SHKBP1: variants seen among roughly 807,000 people sequenced by gnomAD.
SHKBP1 encodes SH3KBP1-binding protein 1.
A neutral mutation model predicts 83.9 loss-of-function variants in SHKBP1; 71 were observed. The ratio of observed to expected loss-of-function variants is 0.85; its 90% CI spans 0.70 to 1.03. The LOEUF is 1.03. Ranked by LOEUF, SHKBP1 falls within the 50% of genes least tolerant of loss-of-function variation. The probability of loss-of-function intolerance (pLI) is 0.00; values close to 1 mark genes in which losing one functional copy is unlikely to be tolerated. For missense variants in SHKBP1, 824 were observed against 982.4 expected, an observed-to-expected ratio of 0.84 and a Z score of 2.16; for synonymous variants, 371 against 398.0, an observed-to-expected ratio of 0.93 and a Z score of 0.81.
rs757671632 is a variant in SHKBP1, at chr19:40,586,816, CA to C, written c.1209del (p.Gly405AlafsTer54). On this transcript the variant is annotated frameshift_variant, in exon 13 of 18. Coordinates refer to ENST00000291842, the MANE Select transcript of SHKBP1 (RefSeq NM_138392.4). LOFTEE classifies it high-confidence loss of function. Reference protein sequence around the residue: ...NWIEIAYGTSSGGVRVIVQHP... With the variant: ...NWIEIAYGTSXGGVRVIVQHP... The stretch of plus-strand genomic sequence containing the variant: ...ATCGAGATCGCCTATGGCACCAGCT[CA>C]GGGGGCGTGCGGGTCATCGTGCAGC... 1 of 1,609,564 alleles carries C rather than the reference CA, an allele frequency of 6.2e-7. No individual in the cohort carries two copies. Among genetic ancestry groups the C allele is most frequent in the African/African-American group, 1.3e-5 (1 of 74,916 alleles).
Position 40,588,691 on chromosome 19 carries a change from G to GCCCGGCTCCAC in SHKBP1, c.1408_1418dup (p.Leu474AlafsTer109), listed in dbSNP as rs1372675371. On this transcript the variant is annotated frameshift_variant, in exon 14 of 18. Transcript: ENST00000291842. LOFTEE classifies it high-confidence loss of function. ...GCTTCCGCGGCATGATTTCCACCCA[G>GCCCGGCTCCAC]CCCGGCTCCACCCCACTCGCTTCCT... 1 of 1,614,032 alleles carries GCCCGGCTCCAC rather than the reference G, an allele frequency of 6.2e-7. No individual in the cohort carries two copies. Among genetic ancestry groups the GCCCGGCTCCAC allele is most frequent in the Non-Finnish European group, 8.5e-7 (1 of 1,180,028 alleles).
chr19:40,586,317 C>T (rs1214224848), intron 12 of SHKBP1, among the ~76,000 whole-genome samples: 1 of 152,052 alleles, frequency 6.6e-6, no homozygotes, highest in African/African-American at 2.4e-5. Context: ...GTCCTTCCCT[C>T]TCTCCTTGCT....
In SHKBP1 at chr19:40,590,305, G is replaced by A. The variant is rs1196932689; in HGVS notation, c.1651G>A (p.Glu551Lys). 1.9e-6 allele frequency: 3 copies of A among 1,609,194 alleles called. No homozygotes were observed. The highest frequency in any genetic ancestry group is 1.1e-5 in the South Asian group (1 of 90,230). ...GACAGCCTTCACAGTGCTGGAGTGCGAGGGCTCCCGGCGGCTCGGCTCTCG... is the reference window on the plus strand; with the variant it reads ...GACAGCCTTCACAGTGCTGGAGTGCAAGGGCTCCCGGCGGCTCGGCTCTCG... ...PTTAFTVLEC[E>K]GSRRLGSRPR... The change falls in exon 16 of 18, where the codon GAG becomes AAG. Residue 551 changes from glutamate (E) to lysine (K), a missense_variant. Coordinates refer to ENST00000291842, the MANE Select transcript of SHKBP1 (RefSeq NM_138392.4). This position sits in a 1 kb window ranked among gnomAD's most constrained non-coding sequence, Gnocchi z 4.6.
In SHKBP1 at chr19:40,578,467, C is replaced by T. The variant is rs1207680727; in HGVS notation, c.325C>T (p.Arg109Cys). 2.5e-6 allele frequency: 4 copies of T among 1,614,130 alleles called. No homozygotes were observed. The highest frequency in any genetic ancestry group is 2.2e-5 in the East Asian group (1 of 44,886). The stretch of plus-strand genomic sequence containing the variant: ...TTTAAGTCCTCCTGTTGCAGTTCGT[C>T]GCCTGCAGCTTCGAGAGGAGTTGGA... ...QFYGLTPLVR[R>C]LQLREELDRS... Residue 109 changes from arginine to cysteine, a missense_variant, in exon 6 of 18, where the codon CGC (arginine) becomes TGC (cysteine). Physicochemically the swap from Arg to Cys is radical, Grantham distance 180. This residue lies in a region of SHKBP1 where 355 missense variants were observed against 386.4 expected (regional missense o/e 0.92). Transcript: ENST00000291842.
intron 9 of SHKBP1, 133 bp from the exon 10 acceptor site, chr19:40,582,218 A>G: frequency 1.3e-6 from 1 of 744,594 alleles, no homozygotes; most frequent in African/African-American, 1.8e-5. Context: ...CACTGTGCCC[A>G]GCCCCTGATG....
chr19:40,581,540 C>A (rs867654768), intron 9 of SHKBP1, among the ~76,000 whole-genome samples: 58 of 145,352 alleles, frequency 4.0e-4, no homozygotes, highest in African/African-American at 6.4e-4. Flanking sequence ...AAAAAAAAAA[C>A]AAAAAAAGAA....
chr19:40,586,612 C>T, intron 12 of SHKBP1, 162 bp from the exon 13 acceptor site: 1 of 608,532 alleles, frequency 1.6e-6, no homozygotes, highest in Non-Finnish European at 2.5e-6. Context: ...AGCGATCCAC[C>T]CGCCTCAGCT....
Position 40,591,370 on chromosome 19 carries a change from C to G in SHKBP1, c.*163C>G, listed in dbSNP as rs7171. ...CCCTCTTTTCTGGAAGCCAAAGTCACCCTCCCCAATAAAGTCCTCACTGCC... is the reference window on the plus strand; with the variant it reads ...CCCTCTTTTCTGGAAGCCAAAGTCAGCCTCCCCAATAAAGTCCTCACTGCC... On this transcript the variant is annotated 3_prime_UTR_variant, in exon 18 of 18. Transcript: ENST00000291842. The G allele has an allele frequency of 0.51, 294,550 of 576,136 alleles. 78,070 individuals carry two copies. The highest frequency in any genetic ancestry group is 0.71 in the African/African-American group (37,166 of 52,492). The allele number at this position is 576,136 out of a possible 1,614,324, so 35.7% of individuals were successfully genotyped here.
At chr19:40,577,866 A>ACCCCTTCT (rs1167524055) in intron 4 of SHKBP1, 12 of 618,886 alleles carry the variant, frequency 1.9e-5, no homozygotes, top group Non-Finnish European at 3.4e-5. Context: ...ACATAGCGAG[A>ACCCCTTCT]CCCCTTCTCT....
chr19:40,583,328 G>A, intron 10 of SHKBP1, 70 bp from the exon 11 acceptor site: 1 of 1,342,358 alleles, frequency 7.4e-7, no homozygotes, highest in Non-Finnish European at 1.0e-6. Flanking sequence ...CCCATCCTCT[G>A]TGAGGGGTCA....
chr19:40,580,706 G>T, intron 8 of SHKBP1, 40 bp from the exon 9 acceptor site: 1 of 1,613,932 alleles, frequency 6.2e-7, no homozygotes, highest in Non-Finnish European at 8.5e-7. Flanking sequence ...GATGGGAAGG[G>T]CATGCGGTGA....
rs549667035 is a variant in SHKBP1, at chr19:40,589,396, A to G, written c.1589+218A>G. ...GGTGTTGGTGGGACTGACCTGGCGC[A>G]GTGCCAGCCCAGTGCAGGCAGGGCC... On this transcript the variant is annotated intron_variant, in intron 15 of 17. Transcript: ENST00000291842. Among the ~76,000 whole-genome samples the G allele has an allele frequency of 1.1e-4, 15 of 142,112 alleles. No individual in the cohort carries two copies. The East Asian group carries it at 3.2e-3, about 31-fold the overall frequency. The allele number at this position is 142,112 out of a possible 152,430, so 93.2% of individuals were successfully genotyped here. A position where few individuals can be genotyped will look rare whatever the true frequency, so the allele number is the denominator to read the frequency against.
chr19:40,589,308 G>A (rs2081337598), intron 15 of SHKBP1, 130 bp downstream of exon 15: 2 of 914,504 alleles, frequency 2.2e-6, no homozygotes, highest in Non-Finnish European at 3.4e-6. Context: ...AGCATTGAAG[G>A]AGCAAAGGCT....
In SHKBP1 at chr19:40,583,481, C is replaced by A; in HGVS notation, c.1044C>A (p.Tyr348Ter). 1 of 1,612,202 alleles carries A rather than the reference C, an allele frequency of 6.2e-7. No individual in the cohort carries two copies. The highest frequency in any genetic ancestry group is 8.5e-7 in the Non-Finnish European group (1 of 1,179,204). Residue 348 changes from tyrosine to a stop codon, truncating the protein, a stop_gained, in exon 11 of 18, where the codon TAC (tyrosine) becomes TAA (stop). Transcript: ENST00000291842. LOFTEE classifies it high-confidence loss of function. ...LLGCNNGSIY[Y>*]VDVQKFPLRM... ...GCTGCAACAACGGCTCCATTTACTA[C>A]GTGGGTGAGCAGCAGCCTGTGTCCC...
In SHKBP1 at chr19:40,580,558, C is replaced by A. The variant is rs1463066545; in HGVS notation, c.563-8C>A. 1 of 1,614,156 alleles carries A rather than the reference C, an allele frequency of 6.2e-7. No homozygotes were observed. Among genetic ancestry groups the A allele is most frequent in the Non-Finnish European group, 8.5e-7 (1 of 1,180,018 alleles). ...GACCCTCTTCTGATCCCTACTCTTC[C>A]CCTCAAGGACAACCTGAGGAGCCGG... is the stretch of plus-strand genomic sequence containing the variant. On this transcript the variant is annotated splice_polypyrimidine_tract_variant and splice_region_variant and intron_variant, in intron 7 of 17. Coordinates refer to ENST00000291842, the MANE Select transcript of SHKBP1 (RefSeq NM_138392.4).
In SHKBP1 at chr19:40,590,570, GC is replaced by G; in HGVS notation, c.1768+151del. The G allele has an allele frequency of 7.8e-7, 1 of 1,279,484 alleles. No individual in the cohort carries two copies. The allele number at this position is 1,279,484 out of a possible 1,614,324, so 79.3% of individuals were successfully genotyped here. ...CCCTCTCTGCTCCCCATCCCTTCCT[GC>G]CCTTGTTTTTCAACCCCTGTCTCAG... On this transcript the variant is annotated intron_variant, in intron 16 of 17. Coordinates refer to ENST00000291842, the MANE Select transcript of SHKBP1 (RefSeq NM_138392.4). The surrounding 1 kb of genome is among the most constrained non-coding windows in gnomAD (Gnocchi z 4.6).
rs375520690 is a variant in SHKBP1, at chr19:40,587,291, TAAA to T, written c.1336+350_1336+352del. Among the ~76,000 whole-genome samples, 27 of 152,108 alleles carry T rather than the reference TAAA, an allele frequency of 1.8e-4. 2 individuals are homozygous for T. In the South Asian group the frequency reaches 5.6e-3, roughly 32 times the overall value. ...GCAGCGATGGCAGACAATAAATCTA[TAAA>T]AATGGACATCAATGGCCAGCTGCGG... On this transcript the variant is annotated intron_variant, in intron 13 of 17. Coordinates refer to ENST00000291842, the MANE Select transcript of SHKBP1 (RefSeq NM_138392.4).
rs2081350432 is a variant in SHKBP1, at chr19:40,590,588, C to T, written c.1769-142C>T. 1.5e-6 allele frequency: 2 copies of T among 1,303,072 alleles called. No individual in the cohort carries two copies. Among genetic ancestry groups the T allele is most frequent in the Admixed American group, 2.2e-5 (1 of 45,514 alleles). The allele number at this position is 1,303,072 out of a possible 1,614,324, so 80.7% of individuals were successfully genotyped here. A position where few individuals can be genotyped will look rare whatever the true frequency, so the allele number is the denominator to read the frequency against. ...CCTTCCTGCCCTTGTTTTTCAACCC[C>T]TGTCTCAGCCTCTGGCCCCCATGCA... On this transcript the variant is annotated intron_variant, in intron 16 of 17. Coordinates refer to ENST00000291842, the MANE Select transcript of SHKBP1 (RefSeq NM_138392.4). This position sits in a 1 kb window ranked among gnomAD's most constrained non-coding sequence, Gnocchi z 4.6.
intron 13 of SHKBP1, among the ~76,000 whole-genome samples, chr19:40,588,299 C>T (rs1156972659): frequency 6.6e-6 from 1 of 152,066 alleles, no homozygotes; most frequent in African/African-American, 2.4e-5. Context: ...CCTGGCTGCC[C>T]GTGGGAGCAC....
Sources: gnomAD v4.1 joint callset for allele counts (sites outside exome capture counted in the v4.1 genomes callset) on GRCh38, gnomAD v4.1.1 for gene constraint, gnomAD v4.1.1 regional missense constraint, Gnocchi (gnomAD v3.1) non-coding constraint, MANE v1.5 for transcripts, NCBI Gene and HGNC (gene_info 2026-07-23, HGNC 2026-07-21) for gene names.